Variants in RAP1A observed in about 807,000 individuals in gnomAD.
RAP1A encodes the protein ras-related protein Rap-1A.
A neutral mutation model predicts 26.4 loss-of-function variants in RAP1A; 6 were observed. That is an observed-to-expected ratio of 0.23 (90% CI 0.12 to 0.45). RAP1A has a LOEUF of 0.45. Among genes scored for constraint, RAP1A ranks in the 20% least tolerant of loss-of-function variants. RAP1A has a pLI of 0.99. For missense variants in RAP1A, 121 were observed against 217.2 expected (o/e 0.56, Z 2.78); for synonymous variants, 73 against 79.4 (o/e 0.92, Z 0.43).
At chr1:111,589,892 T>C (rs1658437880) in intron 1 of RAP1A, among the ~76,000 whole-genome samples, 1 of 152,068 alleles carries the variant, frequency 6.6e-6, no homozygotes, top group Admixed American at 6.6e-5. Flanking sequence ...CCTGAGTAGC[T>C]GGGACTACAG....
chr1:111,564,291 C>T (rs1308096671), intron 1 of RAP1A, among the ~76,000 whole-genome samples: 1 of 152,120 alleles, frequency 6.6e-6, no homozygotes, highest in East Asian at 1.9e-4. Flanking sequence ...CTGTGATAGT[C>T]TTAACATTCC....
At chr1:111,605,918 A>G (rs1278572282) in intron 1 of RAP1A, among the ~76,000 whole-genome samples, 2 of 152,226 alleles carry the variant, frequency 1.3e-5, no homozygotes, top group African/African-American at 2.4e-5. Flanking sequence ...CTCTAATGAG[A>G]GGCTTCCAGA....
chr1:111,598,565 C>A (rs1016763456), intron 1 of RAP1A, among the ~76,000 whole-genome samples: 1 of 152,112 alleles, frequency 6.6e-6, no homozygotes, highest in African/African-American at 2.4e-5. Context: ...CATTGAGCAA[C>A]CTTCAGTAAA....
chr1:111,619,422 CCTGT>C (rs1475799170), upstream of RAP1A, among the ~76,000 whole-genome samples: 1 of 152,218 alleles, frequency 6.6e-6, no homozygotes, highest in Non-Finnish European at 1.5e-5. Flanking sequence ...AGGGTCTTTG[CCTGT>C]CTATGACTTT....
intron 1 of RAP1A, among the ~76,000 whole-genome samples, chr1:111,577,461 G>A (rs2101058643): frequency 6.7e-6 from 1 of 148,664 alleles, no homozygotes; most frequent in Middle Eastern, 3.6e-3. Context: ...TGAAAACTTG[G>A]ATTTATCCGC....
intron 1 of RAP1A, among the ~76,000 whole-genome samples, chr1:111,665,155 C>T (rs139741702): frequency 2.6e-4 from 40 of 152,210 alleles, no homozygotes; most frequent in African/African-American, 7.5e-4. Flanking sequence ...GTTGGTTACA[C>T]GGTTTTACTT....
intron 1 of RAP1A, among the ~76,000 whole-genome samples, chr1:111,647,262 T>C (rs1016748879): frequency 2.0e-5 from 3 of 152,208 alleles, no homozygotes; most frequent in Non-Finnish European, 4.4e-5. Flanking sequence ...TGCCTGATGA[T>C]CTGTTGCTGT....
intron 1 of RAP1A, among the ~76,000 whole-genome samples, chr1:111,546,217 A>G (rs1216411497): frequency 3.3e-5 from 5 of 152,170 alleles, no homozygotes. Flanking sequence ...TTTAGAAAGT[A>G]CTGCCATCAT....
intron 1 of RAP1A, among the ~76,000 whole-genome samples, chr1:111,688,429 C>G (rs1215443652): frequency 6.6e-6 from 1 of 151,152 alleles, no homozygotes; most frequent in Admixed American, 6.6e-5. Context: ...AAGCGATTCT[C>G]CTGCTTCCGC....
At chr1:111,609,875 T>C (rs1231397708) in intron 1 of RAP1A, among the ~76,000 whole-genome samples, 1 of 152,124 alleles carries the variant, frequency 6.6e-6, no homozygotes, top group Non-Finnish European at 1.5e-5. Context: ...GCCAGGCTGG[T>C]CTCAAAATCC....
intron 1 of RAP1A, among the ~76,000 whole-genome samples, chr1:111,597,985 C>G (rs1658591984): frequency 6.6e-6 from 1 of 152,150 alleles, no homozygotes; most frequent in Admixed American, 6.5e-5. Context: ...ACACTGTGAG[C>G]CTCAGTTAGG....
At chr1:111,704,292 G>T (rs1465524069) in intron 5 of RAP1A, 51 bp from the exon 6 acceptor site, 1 of 1,572,584 alleles carries the variant, frequency 6.4e-7, no homozygotes, top group Non-Finnish European at 8.7e-7. Context: ...TTTTTAAAAG[G>T]CTAAGTAATG....
chr1:111,669,599 C>T (rs1039932714), intron 1 of RAP1A, among the ~76,000 whole-genome samples: 13 of 152,194 alleles, frequency 8.5e-5, no homozygotes, highest in African/African-American at 2.9e-4. Context: ...AGGAAAATAA[C>T]CCTGAATTTT....
In RAP1A at chr1:111,619,915, G is replaced by A. The variant is rs1255807955; in HGVS notation, c.-47G>A. 4 of 399,098 alleles carry A rather than the reference G, an allele frequency of 1.0e-5. No homozygotes were observed. 24.7% of individuals were successfully genotyped at this position (399,098 alleles called of 1,614,324 possible). On this transcript the variant is annotated 5_prime_UTR_variant, in exon 1 of 8. Transcript: ENST00000369709. The stretch of plus-strand genomic sequence containing the variant: ...AGGTGGAGGAGGTGGAGGAGGTGGA[G>A]GAGGCGCCGGACCGGGGGGGTGAGT...
At chr1:111,646,116 A>G (rs1402507984) in intron 1 of RAP1A, among the ~76,000 whole-genome samples, 7 of 152,184 alleles carry the variant, frequency 4.6e-5, no homozygotes, top group African/African-American at 1.2e-4. Flanking sequence ...CTTCATTTTT[A>G]TATAGTTGAA....
intron 1 of RAP1A, among the ~76,000 whole-genome samples, chr1:111,667,282 A>G (rs1462872720): frequency 6.6e-6 from 1 of 152,186 alleles, no homozygotes; most frequent in East Asian, 1.9e-4. Context: ...AGAAAATACA[A>G]AGTAGTATTC....
At chr1:111,687,494 C>G (rs1039903704) in intron 1 of RAP1A, among the ~76,000 whole-genome samples, 1 of 152,158 alleles carries the variant, frequency 6.6e-6, no homozygotes, top group Non-Finnish European at 1.5e-5. Context: ...AGGCGTGAGC[C>G]ACCACCCCTA....
At chr1:111,631,780 C>T (rs1327700525) in intron 1 of RAP1A, among the ~76,000 whole-genome samples, 1 of 151,990 alleles carries the variant, frequency 6.6e-6, no homozygotes, top group Non-Finnish European at 1.5e-5. Context: ...AGTGACTTAA[C>T]CTGTCTTTTT....
At chr1:111,551,177 T>C (rs1657243397) in intron 1 of RAP1A, among the ~76,000 whole-genome samples, 1 of 152,232 alleles carries the variant, frequency 6.6e-6, no homozygotes, top group African/African-American at 2.4e-5. Flanking sequence ...GATCATGTTT[T>C]TTTTTGAAAT....
Sources: allele counts gnomAD v4.1 joint callset (sites outside exome capture counted in the v4.1 genomes callset), GRCh38; gene constraint gnomAD v4.1.1; transcripts MANE v1.5; gene names NCBI Gene and HGNC (gene_info 2026-07-23, HGNC 2026-07-21).